ALK: variants seen among roughly 807,000 people sequenced by gnomAD.
ALK encodes the protein ALK tyrosine kinase receptor.
ALK carries 74 observed loss-of-function variants against 163.1 expected under a neutral mutation model. That is an observed-to-expected ratio of 0.45 (90% confidence interval 0.38 to 0.55). The LOEUF is 0.55. Ranked by LOEUF, ALK falls within the 20% of genes least tolerant of loss-of-function variation. The probability of loss-of-function intolerance (pLI) is 0.00; values close to 1 mark genes in which losing one functional copy is unlikely to be tolerated. For synonymous variants in ALK, 960 were observed against 843.2 expected, an observed-to-expected ratio of 1.14 and a Z score of -2.40; for missense variants, 2,063 against 2,105.3, an observed-to-expected ratio of 0.98 and a Z score of 0.39.
intron 1 of ALK, among the ~76,000 whole-genome samples, chr2:29,900,402 A>AGG (rs1667381669): frequency 6.6e-6 from 1 of 152,236 alleles, no homozygotes; most frequent in Non-Finnish European, 1.5e-5. Context: ...TTTGTATACC[A>AGG]GGGAACTCCT....
At chr2:29,418,710 A>G (rs1301943555) in intron 4 of ALK, among the ~76,000 whole-genome samples, 4 of 152,198 alleles carry the variant, frequency 2.6e-5, no homozygotes, top group African/African-American at 4.8e-5. Flanking sequence ...TCTTGCCACA[A>G]AAGACTTGAT....
chr2:29,502,874 G>T (rs1175741994), intron 4 of ALK, among the ~76,000 whole-genome samples: 1 of 152,206 alleles, frequency 6.6e-6, no homozygotes, highest in Non-Finnish European at 1.5e-5. Context: ...ATTACAGCTG[G>T]AATGCATGCA....
Position 29,490,692 on chromosome 2 carries a change from C to T in ALK, c.1154+41223G>A, listed in dbSNP as rs556902472. Among the ~76,000 whole-genome samples the T allele has an allele frequency of 7.5e-4, 114 of 152,252 alleles. 1 individual carries two copies. The highest frequency in any genetic ancestry group is 4.0e-3 in the East Asian group (21 of 5,186). The stretch of plus-strand genomic sequence containing the variant: ...GGCAGACTGGTGAAGTACATAGATT[C>T]CCCAGAGTAATGTTTTCAAATATGT... On this transcript the variant is annotated intron_variant, in intron 4 of 28. Coordinates refer to ENST00000389048, the MANE Select transcript of ALK (RefSeq NM_004304.5).
intron 1 of ALK, among the ~76,000 whole-genome samples, chr2:29,843,204 GGGGTCTC>G (rs1463345110): frequency 1.3e-5 from 2 of 152,122 alleles, no homozygotes; most frequent in African/African-American, 2.4e-5. Context: ...CCAGCTAGAA[GGGGTCTC>G]GGTGCCCCAC....
chr2:29,458,420 C>A (rs1204879681), intron 4 of ALK, among the ~76,000 whole-genome samples: 1 of 152,126 alleles, frequency 6.6e-6, no homozygotes, highest in Non-Finnish European at 1.5e-5. Context: ...AGTAATTTAT[C>A]ATCTGCACTT....
At chr2:29,697,137 T>C (rs1315919663) in intron 2 of ALK, among the ~76,000 whole-genome samples, 1 of 152,128 alleles carries the variant, frequency 6.6e-6, no homozygotes, top group Non-Finnish European at 1.5e-5. Context: ...CCATATTTGA[T>C]GCTCTGAAAA....
At position 29,683,930 on chromosome 2, in the gene ALK, G is replaced by A. The variant is rs117720520; in HGVS notation, c.952+10920C>T. ...TTGATTGATTTTTATAACAAGTCAGGAAAGGGAGCCACAGAGGTAAAATGA... is the reference window on the plus strand; with the variant it reads ...TTGATTGATTTTTATAACAAGTCAGAAAAGGGAGCCACAGAGGTAAAATGA... On this transcript the variant is annotated intron_variant, in intron 3 of 28. Coordinates refer to ENST00000389048, the MANE Select transcript of ALK (RefSeq NM_004304.5). Among the ~76,000 whole-genome samples, 251 of 152,264 alleles carry A rather than the reference G, an allele frequency of 1.6e-3. 8 individuals carry two copies. In the East Asian group the frequency reaches 0.039, roughly 24 times the overall value.
chr2:29,453,461 C>G (rs1244992875), intron 4 of ALK, among the ~76,000 whole-genome samples: 1 of 151,982 alleles, frequency 6.6e-6, no homozygotes, highest in Non-Finnish European at 1.5e-5. Context: ...GTCTTGAACT[C>G]CTAAACTCAA....
intron 4 of ALK, 103 bp from the exon 5 acceptor site, chr2:29,383,962 C>T: frequency 1.4e-6 from 2 of 1,444,892 alleles, no homozygotes; most frequent in Non-Finnish European, 1.9e-6. Flanking sequence ...CTTCAGGACT[C>T]ACATTCTTCA....
At chr2:29,508,921 G>A (rs1332299593) in intron 4 of ALK, among the ~76,000 whole-genome samples, 3 of 151,966 alleles carry the variant, frequency 2.0e-5, no homozygotes, top group Admixed American at 2.0e-4. Flanking sequence ...ATCAAGGTGT[G>A]CATTATTAAA....
chr2:29,525,357 C>T (rs1470667453), intron 4 of ALK, among the ~76,000 whole-genome samples: 5 of 152,146 alleles, frequency 3.3e-5, no homozygotes, highest in Admixed American at 3.3e-4. Flanking sequence ...AAGCTACCCG[C>T]TTATGTGATC....
At chr2:29,200,763 A>G (rs6748043) in intron 26 of ALK, among the ~76,000 whole-genome samples, 4 of 85,882 alleles carry the variant, frequency 4.7e-5, no homozygotes, top group African/African-American at 1.5e-4. Context: ...GTATATATGT[A>G]TATATATACG....
chr2:29,905,535 A>T (rs1667521266), intron 1 of ALK, among the ~76,000 whole-genome samples: 1 of 151,656 alleles, frequency 6.6e-6, no homozygotes, highest in Non-Finnish European at 1.5e-5. Flanking sequence ...AGAGGGAAGG[A>T]AGAGAAGGAG....
At chr2:29,277,905 A>G (rs1391094028) in intron 9 of ALK, among the ~76,000 whole-genome samples, 1 of 152,214 alleles carries the variant, frequency 6.6e-6, no homozygotes, top group East Asian at 1.9e-4. Context: ...ATATAGGTCT[A>G]TGGGGCATTC....
chr2:29,414,038 G>A (rs1223061406), intron 4 of ALK, among the ~76,000 whole-genome samples: 1 of 152,198 alleles, frequency 6.6e-6, no homozygotes, highest in Non-Finnish European at 1.5e-5. Flanking sequence ...AACTGGCAGT[G>A]AAATAGGTTT....
At position 29,199,594 on chromosome 2, in the gene ALK, A is replaced by G. The variant is rs1669108202; in HGVS notation, c.3939-1918T>C. On this transcript the variant is annotated intron_variant, in intron 26 of 28. Coordinates refer to ENST00000389048, the MANE Select transcript of ALK (RefSeq NM_004304.5). ...CAGGTCTGTTTCTGGCTATATTTTCACTTCATCTATTTGTCTGCTTCTTGC... is the reference window on the plus strand; with the variant it reads ...CAGGTCTGTTTCTGGCTATATTTTCGCTTCATCTATTTGTCTGCTTCTTGC... 2.6e-5 allele frequency among the ~76,000 whole-genome samples: 4 copies of G among 152,182 alleles called. No homozygotes were observed. In the South Asian group the frequency reaches 8.3e-4, roughly 32 times the overall value.
At chr2:29,792,890 G>A (rs1051872360) in intron 1 of ALK, among the ~76,000 whole-genome samples, 1 of 152,068 alleles carries the variant, frequency 6.6e-6, no homozygotes. Flanking sequence ...TTTTGCTGAT[G>A]GAGGGTCTTG....
At chr2:29,315,544 C>T (rs554279584) in intron 8 of ALK, among the ~76,000 whole-genome samples, 4 of 152,272 alleles carry the variant, frequency 2.6e-5, no homozygotes, top group African/African-American at 9.6e-5. Context: ...AGCACACCTA[C>T]GGCCAATAGC....
At chr2:29,286,862 G>T (rs1003414524) in intron 9 of ALK, 1 of 152,006 alleles carries the variant, frequency 6.6e-6, no homozygotes, top group Admixed American at 6.6e-5. Flanking sequence ...ATTCTCAAGT[G>T]ACACTCTGAT....
Sources: gnomAD v4.1 joint callset for allele counts (sites outside exome capture counted in the v4.1 genomes callset) on GRCh38, gnomAD v4.1.1 for gene constraint, MANE v1.5 for transcripts, NCBI Gene and HGNC (gene_info 2026-07-23, HGNC 2026-07-21) for gene names.